The following AHI1 variants were observed in gnomAD, a reference collection of about 807,000 sequenced individuals.
AHI1 encodes the protein jouberin.
AHI1 carries 123 observed loss-of-function variants against 149.3 expected under a neutral mutation model. That is an observed-to-expected ratio of 0.82 (90% CI 0.71 to 0.96). The LOEUF is 0.96. Among genes scored for constraint, AHI1 ranks in the 40% least tolerant of loss-of-function variants. The pLI is 0.00. For missense variants in AHI1, 1,439 were observed against 1,422.7 expected, an observed-to-expected ratio of 1.01 and a Z score of -0.18; for synonymous variants, 475 against 459.8, an observed-to-expected ratio of 1.03 and a Z score of -0.42.
In AHI1 at chr6:135,482,894, CT is replaced by C. The variant is rs761997683; in HGVS notation, c.135+7728del. 3.2e-3 allele frequency among the ~76,000 whole-genome samples: 181 copies of C among 55,732 alleles called. 30 individuals are homozygous for C. The Admixed American group carries it at 0.048, about 15-fold the overall frequency. The allele number at this position is 55,732 out of a possible 152,430, so 36.6% of individuals were successfully genotyped here. ...TTCAACCAGTATAATCCATTTAAGG[CT>C]TTTTTTTTTTTTTTGAGACAGAGTC... On this transcript the variant is annotated intron_variant, in intron 5 of 28. Coordinates refer to ENST00000265602, the MANE Select transcript of AHI1 (RefSeq NM_001134831.2).
intron 24 of AHI1, among the ~76,000 whole-genome samples, chr6:135,351,412 T>C (rs1209069821): frequency 6.6e-6 from 1 of 152,204 alleles, no homozygotes; most frequent in Non-Finnish European, 1.5e-5. Flanking sequence ...TCATTCCTCA[T>C]AACATTCCAT....
At chr6:135,409,381 A>T (rs1781262957) in intron 21 of AHI1, among the ~76,000 whole-genome samples, 1 of 152,130 alleles carries the variant, frequency 6.6e-6, no homozygotes, top group Non-Finnish European at 1.5e-5. Context: ...TTCATTTGAG[A>T]AATAATTGCA....
chr6:135,387,042 C>G (rs1164181493), intron 23 of AHI1, among the ~76,000 whole-genome samples: 1 of 152,146 alleles, frequency 6.6e-6, no homozygotes, highest in Non-Finnish European at 1.5e-5. Flanking sequence ...GCCACTACAC[C>G]TGGCTAACTA....
intron 23 of AHI1, among the ~76,000 whole-genome samples, chr6:135,367,001 T>A (rs747635884): frequency 6.6e-6 from 1 of 152,188 alleles, no homozygotes; most frequent in Non-Finnish European, 1.5e-5. Context: ...GTTCAAAGAA[T>A]TTTTAAATTT....
At chr6:135,290,639 T>C in intron 27 of AHI1, 114 bp from the exon 28 acceptor site, 1 of 972,912 alleles carries the variant, frequency 1.0e-6, no homozygotes, top group South Asian at 1.4e-5. Context: ...GGGATAAATG[T>C]GAGGATATGA....
intron 24 of AHI1, among the ~76,000 whole-genome samples, chr6:135,332,022 G>A (rs1037309501): frequency 3.3e-5 from 5 of 151,200 alleles, no homozygotes; most frequent in Non-Finnish European, 5.9e-5. Context: ...AAAGAGTGTT[G>A]GACCTTGGTC....
intron 8 of AHI1, among the ~76,000 whole-genome samples, chr6:135,459,708 A>T (rs1354560950): frequency 1.3e-5 from 2 of 151,222 alleles, no homozygotes; most frequent in Non-Finnish European, 2.9e-5. Flanking sequence ...ACATCCCTCA[A>T]AAACTACAGT....
chr6:135,363,991 G>A (rs1794439558), intron 23 of AHI1, among the ~76,000 whole-genome samples: 3 of 145,624 alleles, frequency 2.1e-5, no homozygotes, highest in South Asian at 2.2e-4. Flanking sequence ...CGGGCAGAGG[G>A]GCTCCTCACT....
intron 23 of AHI1, among the ~76,000 whole-genome samples, chr6:135,383,311 C>T (rs1217347906): frequency 2.3e-5 from 3 of 131,320 alleles, no homozygotes. Flanking sequence ...TTCACTGCAG[C>T]CTCAACCTCC....
intron 26 of AHI1, among the ~76,000 whole-genome samples, chr6:135,307,359 T>C (rs1185813924): frequency 6.6e-6 from 1 of 152,216 alleles, no homozygotes; most frequent in Non-Finnish European, 1.5e-5. Flanking sequence ...TTCCATAGTT[T>C]ATGAAAAGAT....
At chr6:135,352,449 C>T (rs950092883) in intron 24 of AHI1, among the ~76,000 whole-genome samples, 1 of 152,020 alleles carries the variant, frequency 6.6e-6, no homozygotes, top group African/African-American at 2.4e-5. Context: ...TTTAAAAATC[C>T]CATCCTTTCA....
chr6:135,454,835 T>C (rs1317463922), intron 10 of AHI1, among the ~76,000 whole-genome samples: 1 of 152,196 alleles, frequency 6.6e-6, no homozygotes, highest in Non-Finnish European at 1.5e-5. Flanking sequence ...AACAGCTTTA[T>C]GTAAATCACA....
chr6:135,395,685 A>T (rs1438480116), intron 22 of AHI1, among the ~76,000 whole-genome samples: 1 of 151,910 alleles, frequency 6.6e-6, no homozygotes, highest in East Asian at 1.9e-4. Context: ...TTTCATTATT[A>T]ACAAATCAAT....
chr6:135,428,469 T>C (rs554946697), intron 19 of AHI1, among the ~76,000 whole-genome samples, 160 bp downstream of exon 19: 1 of 151,826 alleles, frequency 6.6e-6, no homozygotes, highest in Non-Finnish European at 1.5e-5. Flanking sequence ...GTTTAGACTG[T>C]AGCTGAGTTC....
intron 26 of AHI1, among the ~76,000 whole-genome samples, chr6:135,315,731 C>A (rs994874063): frequency 6.6e-6 from 1 of 152,128 alleles, no homozygotes; most frequent in East Asian, 1.9e-4. Flanking sequence ...CCTAAATGAG[C>A]CCCTATTTTC....
chr6:135,426,498 GAAAC>G (rs1783928690), intron 20 of AHI1, among the ~76,000 whole-genome samples: 1 of 151,350 alleles, frequency 6.6e-6, no homozygotes, highest in Admixed American at 6.6e-5. Flanking sequence ...GCAAATCAAA[GAAAC>G]TAACAAAGAC....
intron 23 of AHI1, among the ~76,000 whole-genome samples, chr6:135,389,830 A>AGTGCC (rs1778209820): frequency 1.3e-5 from 2 of 152,210 alleles, no homozygotes; most frequent in African/African-American, 4.8e-5. Flanking sequence ...TGCCAGTAGT[A>AGTGCC]ACACTTCCTG....
At chr6:135,325,466 T>C (rs1162359644) in intron 24 of AHI1, among the ~76,000 whole-genome samples, 2 of 152,232 alleles carry the variant, frequency 1.3e-5, no homozygotes, top group Non-Finnish European at 2.9e-5. Flanking sequence ...TAAAATGTGC[T>C]GAGTGCTCAC....
intron 24 of AHI1, among the ~76,000 whole-genome samples, chr6:135,340,408 A>G (rs1250940550): frequency 6.6e-6 from 1 of 151,662 alleles, no homozygotes; most frequent in Admixed American, 6.6e-5. Flanking sequence ...ACAAAAAAAA[A>G]AGGAAGGATA....
Sources: allele counts gnomAD v4.1 joint callset (sites outside exome capture counted in the v4.1 genomes callset), GRCh38; gene constraint gnomAD v4.1.1; transcripts MANE v1.5; gene names NCBI Gene and HGNC (gene_info 2026-07-23, HGNC 2026-07-21).